Variants in ARMH3 observed in about 807,000 individuals in gnomAD.
The protein encoded by ARMH3 is armadillo like helical domain containing 3.
ARMH3 carries 60 observed loss-of-function variants against 99.1 expected under a neutral mutation model. That is an observed-to-expected ratio of 0.61 (90% CI 0.49 to 0.75). The LOEUF is 0.75. Among genes scored for constraint, ARMH3 ranks in the 30% least tolerant of loss-of-function variants. ARMH3 has a pLI of 0.00. For missense variants in ARMH3, 679 were observed against 843.1 expected (o/e 0.81, Z 2.41); for synonymous variants, 285 against 292.8 (o/e 0.97, Z 0.27).
intron 23 of ARMH3, among the ~76,000 whole-genome samples, chr10:101,912,653 T>C (rs1285865781): frequency 6.6e-6 from 1 of 152,228 alleles, no homozygotes. Flanking sequence ...TTAGATGGCT[T>C]TTATTTCTTT....
At chr10:102,050,911 A>G (rs2067686687) in intron 1 of ARMH3, among the ~76,000 whole-genome samples, 1 of 151,552 alleles carries the variant, frequency 6.6e-6, no homozygotes, top group Non-Finnish European at 1.5e-5. Context: ...TAATCTCAGC[A>G]CTTTGGGAGG....
At chr10:102,041,571 T>C (rs950442606) in intron 1 of ARMH3, among the ~76,000 whole-genome samples, 1 of 152,104 alleles carries the variant, frequency 6.6e-6, no homozygotes, top group African/African-American at 2.4e-5. Flanking sequence ...CTAACACATA[T>C]AGCAAAGAGA....
chr10:102,006,490 G>C, intron 14 of ARMH3, 50 bp downstream of exon 14: 2 of 1,560,670 alleles, frequency 1.3e-6, no homozygotes, highest in Non-Finnish European at 8.8e-7. Context: ...CTCACTCTGA[G>C]AGATCTAAGA....
At chr10:101,908,969 T>C (rs1842758634) in intron 23 of ARMH3, among the ~76,000 whole-genome samples, 1 of 151,984 alleles carries the variant, frequency 6.6e-6, no homozygotes, top group South Asian at 2.1e-4. Flanking sequence ...GGCCCTACTA[T>C]TATTTTAATT....
At chr10:101,931,253 G>A (rs1040830144) in intron 23 of ARMH3, among the ~76,000 whole-genome samples, 2 of 152,308 alleles carry the variant, frequency 1.3e-5, no homozygotes, top group Admixed American at 1.3e-4. Context: ...GGGGCCGGGT[G>A]CGATGGCTCA....
At position 102,033,089 on chromosome 10, in the gene ARMH3, T is replaced by C. The variant is rs764922849; in HGVS notation, c.243A>G (p.Leu81=). The change falls in exon 4 of 26, where the codon TTA becomes TTG. Residue 81 remains leucine (L), a synonymous_variant. Coordinates refer to ENST00000370033, the MANE Select transcript of ARMH3 (RefSeq NM_024541.3). Reference sequence around the variant, plus strand: ...CCAGAGCCTGGATGCAGTGTTGGAATAAGCAATTAATATTGTCCTTGATCT... The same window carrying C: ...CCAGAGCCTGGATGCAGTGTTGGAACAAGCAATTAATATTGTCCTTGATCT... The part of the protein sequence containing the change: ...LMKIKDNINC[L]FQHCIQALGE... 6.2e-7 allele frequency: 1 copy of C among 1,614,210 alleles called. No individual in the cohort carries two copies. Among genetic ancestry groups the C allele is most frequent in the Non-Finnish European group, 8.5e-7 (1 of 1,180,036 alleles).
In ARMH3 at chr10:101,937,488, C is replaced by T. The variant is rs1490735697; in HGVS notation, c.1781+2375G>A. On this transcript the variant is annotated intron_variant, in intron 23 of 25. Coordinates refer to ENST00000370033, the MANE Select transcript of ARMH3 (RefSeq NM_024541.3). Reference sequence around the variant, plus strand: ...GAGCAGAAATCGCGCCACTGCACTCCAGCCTGGGCGACAGAGTCAGACCCT... The same window carrying T: ...GAGCAGAAATCGCGCCACTGCACTCTAGCCTGGGCGACAGAGTCAGACCCT... 2.7e-5 allele frequency among the ~76,000 whole-genome samples: 4 copies of T among 149,974 alleles called. No individual in the cohort carries two copies. The East Asian group carries it at 7.8e-4, about 29-fold the overall frequency.
At chr10:101,998,167 G>C (rs1847146415) in intron 15 of ARMH3, among the ~76,000 whole-genome samples, 1 of 152,140 alleles carries the variant, frequency 6.6e-6, no homozygotes, top group Non-Finnish European at 1.5e-5. Flanking sequence ...TGAGTTCCAA[G>C]GGCCTCAGTT....
chr10:101,852,293 A>G lies in ARMH3; in HGVS notation c.1861-2401T>C, dbSNP rs190038747. Among the ~76,000 whole-genome samples the G allele has an allele frequency of 1.8e-3, 281 of 152,354 alleles. 3 individuals carry two copies. Among genetic ancestry groups the G allele is most frequent in the Admixed American group, 0.017 (257 of 15,304 alleles). On this transcript the variant is annotated intron_variant, in intron 24 of 25. Coordinates refer to ENST00000370033, the MANE Select transcript of ARMH3 (RefSeq NM_024541.3). The stretch of plus-strand genomic sequence containing the variant: ...GGCCGCAGGTAAGGCTGCTTTGATC[A>G]CCTGGACTCTCTCCTCTTGCCAGGG...
chr10:102,035,690 T>C (rs934388727), intron 2 of ARMH3, among the ~76,000 whole-genome samples: 11 of 152,214 alleles, frequency 7.2e-5, no homozygotes, highest in African/African-American at 2.6e-4. Flanking sequence ...GCAGACGGAG[T>C]CTCGTTCACT....
At chr10:102,051,637 A>G (rs958500355) in intron 1 of ARMH3, among the ~76,000 whole-genome samples, 1 of 152,240 alleles carries the variant, frequency 6.6e-6, no homozygotes, top group African/African-American at 2.4e-5. Flanking sequence ...GCTCTAGACA[A>G]TGCTCCCCTC....
chr10:101,854,928 T>C (rs904217870), intron 24 of ARMH3, among the ~76,000 whole-genome samples: 5 of 150,134 alleles, frequency 3.3e-5, no homozygotes, highest in Non-Finnish European at 1.5e-5. Flanking sequence ...ATGAAAGTCT[T>C]TCTGGTGACA....
chr10:102,016,046 G>A (rs909960784), intron 8 of ARMH3, among the ~76,000 whole-genome samples: 32 of 152,302 alleles, frequency 2.1e-4, no homozygotes, highest in Non-Finnish European at 4.3e-4. Flanking sequence ...GAAGTGTGAG[G>A]ATCACTTGAG....
At chr10:101,957,235 C>G (rs1302709127) in intron 21 of ARMH3, among the ~76,000 whole-genome samples, 1 of 152,166 alleles carries the variant, frequency 6.6e-6, no homozygotes, top group Non-Finnish European at 1.5e-5. Flanking sequence ...TGCACAATGG[C>G]CTCCTTCTAT....
chr10:101,881,566 G>C (rs927126468), intron 24 of ARMH3, among the ~76,000 whole-genome samples: 5 of 151,866 alleles, frequency 3.3e-5, no homozygotes, highest in Admixed American at 2.6e-4. Flanking sequence ...TTTTTTAACT[G>C]CAATTTTAAA....
chr10:102,009,473 G>C, intron 12 of ARMH3, 24 bp from the exon 13 acceptor site: 1 of 1,598,678 alleles, frequency 6.3e-7, no homozygotes, highest in Non-Finnish European at 8.6e-7. Flanking sequence ...GAACAAATTG[G>C]AGCAGTTTTT....
At chr10:101,939,795 C>T in intron 23 of ARMH3, 68 bp downstream of exon 23, 1 of 1,376,170 alleles carries the variant, frequency 7.3e-7, no homozygotes, top group Non-Finnish European at 1.0e-6. Context: ...ACACACTTTA[C>T]TTAGAAAGGT....
chr10:102,029,337 A>T, intron 5 of ARMH3: 2 of 1,015,378 alleles, frequency 2.0e-6, no homozygotes, highest in African/African-American at 3.2e-5. Context: ...GTATGTTGTT[A>T]TATTTTATTT....
intron 20 of ARMH3, among the ~76,000 whole-genome samples, chr10:101,974,801 T>A (rs1286818159): frequency 6.6e-6 from 1 of 151,828 alleles, no homozygotes; most frequent in Non-Finnish European, 1.5e-5. Context: ...CCTATGACAT[T>A]CCTGAAGAAA....
Sources: gnomAD v4.1 joint callset for allele counts (sites outside exome capture counted in the v4.1 genomes callset) on GRCh38, gnomAD v4.1.1 for gene constraint, MANE v1.5 for transcripts, NCBI Gene and HGNC (gene_info 2026-07-23, HGNC 2026-07-21) for gene names.